The following ZNF772 variants were observed in gnomAD, a reference collection of about 807,000 sequenced individuals.
ZNF772 encodes the protein zinc finger protein 772.
In ZNF772, 8 loss-of-function variants were observed where a neutral mutation model predicts 11.0. That is an observed-to-expected ratio of 0.73 (90% CI 0.43 to 1.31). The LOEUF is 1.31. Among genes scored for constraint, ZNF772 ranks in the 50% most tolerant of loss-of-function variants. The probability of loss-of-function intolerance (pLI) is 0.01; values close to 1 mark genes in which losing one functional copy is unlikely to be tolerated. For missense variants in ZNF772, 496 were observed against 552.3 expected, an observed-to-expected ratio of 0.90 and a Z score of 1.02; for synonymous variants, 155 against 180.4, an observed-to-expected ratio of 0.86 and a Z score of 1.13.
At chr19:57,477,246 C>G (rs773322445) in intron 1 of ZNF772, 31 bp downstream of exon 1, 1 of 1,612,972 alleles carries the variant, frequency 6.2e-7, no homozygotes, top group South Asian at 1.1e-5. Context: ...AGATGGGGGT[C>G]AGCGCGCAGA....
At chr19:57,476,882 T>A (rs1384725594) in intron 1 of ZNF772, among the ~76,000 whole-genome samples, 1 of 152,212 alleles carries the variant, frequency 6.6e-6, no homozygotes, top group Non-Finnish European at 1.5e-5. Context: ...CTGCCCTCCA[T>A]GAGCAGTCTA....
rs975225138 is a variant in ZNF772, at chr19:57,475,631, A to G, written c.199+29T>C. On this transcript the variant is annotated intron_variant, in intron 3 of 3. Coordinates refer to ENST00000356584, the MANE Select transcript of ZNF772 (RefSeq NM_001144068.2). The surrounding 1 kb of genome is among the most constrained non-coding windows in gnomAD (Gnocchi z 4.2). ...AAGGGGAAGGGCAGGACCCAGTCCA[A>G]GTCACTGGGGTGGATGTGACGGCCT... 2.5e-6 allele frequency: 4 copies of G among 1,613,420 alleles called. No homozygotes were observed. Among genetic ancestry groups the G allele is most frequent in the African/African-American group, 1.3e-5 (1 of 74,922 alleles).
chr19:57,474,325 G>C lies in ZNF772; in HGVS notation c.296C>G (p.Thr99Ser), dbSNP rs1452825497. ...TGTCCCACAGGGGTAAGCCTTCTGA[G>C]TAGAAGGACCTCCCTTGGGAATCCT... Reference protein sequence around the residue: ...QIRIPKGGPSTQKAYPCGTCG... With the variant: ...QIRIPKGGPSSQKAYPCGTCG... Residue 99 changes from threonine to serine, a missense_variant, in exon 4 of 4, where the codon ACT (threonine) becomes AGT (serine). Physicochemically the swap from Thr to Ser is moderately conservative, Grantham distance 58. Transcript: ENST00000356584. 2 of 1,614,008 alleles carry C rather than the reference G, an allele frequency of 1.2e-6. No individual in the cohort carries two copies. The highest frequency in any genetic ancestry group is 2.2e-5 in the East Asian group (1 of 44,890).
chr19:57,476,436 T>G, intron 2 of ZNF772, 198 bp downstream of exon 2: 1 of 636,470 alleles, frequency 1.6e-6, no homozygotes, highest in Non-Finnish European at 2.8e-6. Context: ...CCAACCTTAT[T>G]CCAATGGTTG....
chr19:57,474,460 C>G (rs773619883), intron 3 of ZNF772, 39 bp from the exon 4 acceptor site: 1 of 1,572,730 alleles, frequency 6.4e-7, no homozygotes, highest in Admixed American at 1.7e-5. Context: ...CAAATTGACA[C>G]AGGTGGAAGA....
At position 57,475,264 on chromosome 19, in the gene ZNF772, A is replaced by C; in HGVS notation, c.199+396T>G. On this transcript the variant is annotated intron_variant, in intron 3 of 3. Coordinates refer to ENST00000356584, the MANE Select transcript of ZNF772 (RefSeq NM_001144068.2). The surrounding 1 kb of genome is among the most constrained non-coding windows in gnomAD (Gnocchi z 4.2). ...AGTGCAGTGGTCCTAGCAAGTAGCG[A>C]CCATAATGGTCCCTACAATTCCTGA... 7.8e-7 allele frequency: 1 copy of C among 1,278,740 alleles called. No homozygotes were observed. The highest frequency in any genetic ancestry group is 2.2e-5 in the Admixed American group (1 of 45,694). The allele number at this position is 1,278,740 out of a possible 1,614,324, so 79.2% of individuals were successfully genotyped here.
rs1225406828 is a variant in ZNF772 at position 57,475,064 on chromosome 19, G to A, written c.199+596C>T. 2.5e-5 allele frequency: 41 copies of A among 1,614,138 alleles called. No individual in the cohort carries two copies. The highest frequency in any genetic ancestry group is 3.5e-5 in the Non-Finnish European group (41 of 1,180,016). The stretch of plus-strand genomic sequence containing the variant: ...CTGGAGTCTCTGTGGCAACAGCTAG[G>A]GTCATGTCCACCCAGTCAGGTACCC... On this transcript the variant is annotated intron_variant, in intron 3 of 3. Coordinates refer to ENST00000356584, the MANE Select transcript of ZNF772 (RefSeq NM_001144068.2). This position sits in a 1 kb window ranked among gnomAD's most constrained non-coding sequence, Gnocchi z 4.2.
Position 57,474,543 on chromosome 19 carries a change from G to A in ZNF772, c.200-122C>T, listed in dbSNP as rs1679003878. On this transcript the variant is annotated intron_variant, in intron 3 of 3. Coordinates refer to ENST00000356584, the MANE Select transcript of ZNF772 (RefSeq NM_001144068.2). ...TCATAGGACTGTTGTTAGGACAAGGGTCCAAACTCAAGTTCAGCAAATGTG... is the reference window on the plus strand; with the variant it reads ...TCATAGGACTGTTGTTAGGACAAGGATCCAAACTCAAGTTCAGCAAATGTG... 3.9e-6 allele frequency: 4 copies of A among 1,026,850 alleles called. No individual in the cohort carries two copies. In the South Asian group the frequency reaches 6.6e-5, roughly 17 times the overall value. 63.6% of individuals were successfully genotyped at this position (1,026,850 alleles called of 1,614,324 possible). A position where few individuals can be genotyped will look rare whatever the true frequency, so the allele number is the denominator to read the frequency against.
rs143208160 is a variant in ZNF772, at chr19:57,474,301, G to A, written c.320C>T (p.Thr107Ile). Residue 107 changes from threonine (T) to isoleucine (I), a missense_variant, in exon 4 of 4, where the codon ACA becomes ATA. Coordinates refer to ENST00000356584, the MANE Select transcript of ZNF772 (RefSeq NM_001144068.2). ...AATGTCTTTTAAGACCAGGCCACATGTCCCACAGGGGTAAGCCTTCTGAGT... is the reference window on the plus strand; with the variant it reads ...AATGTCTTTTAAGACCAGGCCACATATCCCACAGGGGTAAGCCTTCTGAGT... The part of the protein sequence containing the change: ...PSTQKAYPCG[T>I]CGLVLKDILH... 363 of 1,614,164 alleles carry A rather than the reference G, an allele frequency of 2.2e-4. No individual in the cohort carries two copies. The highest frequency in any genetic ancestry group is 2.9e-4 in the Non-Finnish European group (343 of 1,180,046).
chr19:57,474,544 TC>T, intron 3 of ZNF772, 123 bp from the exon 4 acceptor site: 1 of 1,016,700 alleles, frequency 9.8e-7, no homozygotes, highest in Non-Finnish European at 1.4e-6. Flanking sequence ...AGGACAAGGG[TC>T]CAAACTCAAG....
chr19:57,475,652 G>A lies in ZNF772; in HGVS notation c.199+8C>T, dbSNP rs76492179. The A allele has an allele frequency of 6.3e-5, 102 of 1,613,668 alleles. No homozygotes were observed. In the East Asian group the frequency reaches 2.1e-3, roughly 32 times the overall value. ...TCCAAGTCACTGGGGTGGATGTGAC[G>A]GCCTTACCCAGAGAGGCCATAAGTG... On this transcript the variant is annotated splice_region_variant and intron_variant, in intron 3 of 3. Transcript: ENST00000356584. This position sits in a 1 kb window ranked among gnomAD's most constrained non-coding sequence, Gnocchi z 4.2.
rs2089222236 is a variant in ZNF772, at chr19:57,472,144, G to A, written c.*1130C>T. Reference sequence around the variant, plus strand: ...CAGAGTAATGGAAACACATGTGGATGTACCTTTAGAAGGGTCATATTCCCT... The same window carrying A: ...CAGAGTAATGGAAACACATGTGGATATACCTTTAGAAGGGTCATATTCCCT... On this transcript the variant is annotated 3_prime_UTR_variant, in exon 4 of 4. Transcript: ENST00000356584. 4.4e-6 allele frequency: 2 copies of A among 456,240 alleles called. No homozygotes were observed. Among genetic ancestry groups the A allele is most frequent in the Non-Finnish European group, 8.8e-6 (2 of 226,954 alleles). 28.3% of individuals were successfully genotyped at this position (456,240 alleles called of 1,614,324 possible). A position where few individuals can be genotyped will look rare whatever the true frequency, so the allele number is the denominator to read the frequency against.
At position 57,475,265 on chromosome 19, in the gene ZNF772, C is replaced by A. The variant is rs144435299; in HGVS notation, c.199+395G>T. 1.1e-4 allele frequency: 144 copies of A among 1,254,864 alleles called. 1 individual carries two copies. In the East Asian group the frequency reaches 3.5e-3, roughly 30 times the overall value. The allele number at this position is 1,254,864 out of a possible 1,614,324, so 77.7% of individuals were successfully genotyped here. ...GTGCAGTGGTCCTAGCAAGTAGCGA[C>A]CATAATGGTCCCTACAATTCCTGAC... On this transcript the variant is annotated intron_variant, in intron 3 of 3. Transcript: ENST00000356584. The surrounding 1 kb of genome is among the most constrained non-coding windows in gnomAD (Gnocchi z 4.2).
At position 57,475,215 on chromosome 19, in the gene ZNF772, C is replaced by G. The variant is rs748718243; in HGVS notation, c.199+445G>C. 26 of 1,578,716 alleles carry G rather than the reference C, an allele frequency of 1.6e-5. No individual in the cohort carries two copies. The highest frequency in any genetic ancestry group is 2.1e-5 in the Non-Finnish European group (24 of 1,158,160). On this transcript the variant is annotated intron_variant, in intron 3 of 3. Transcript: ENST00000356584. The surrounding 1 kb of genome is among the most constrained non-coding windows in gnomAD (Gnocchi z 4.2). The stretch of plus-strand genomic sequence containing the variant: ...GAAAACTAAATATTATTAAAATAAT[C>G]TCAGAGTAAGGTCTTGCAGGAATAG...
In ZNF772 at chr19:57,471,633, A is replaced by C. The variant is rs2089215550; in HGVS notation, c.*1641T>G. 1 of 152,552 alleles carries C rather than the reference A, an allele frequency of 6.6e-6. No individual in the cohort carries two copies. Among genetic ancestry groups the C allele is most frequent in the Non-Finnish European group, 1.5e-5 (1 of 68,286 alleles). The allele number at this position is 152,552 out of a possible 1,614,324, so 9.4% of individuals were successfully genotyped here. ...TGAAATATAGCAGAAATGACGGCTC[A>C]TCACTTTCAGTTTAAGGTAATGACA... On this transcript the variant is annotated 3_prime_UTR_variant, in exon 4 of 4. Transcript: ENST00000356584.
Position 57,475,712 on chromosome 19 carries a change from C to T in ZNF772, c.147G>A (p.Arg49=), listed in dbSNP as rs377561642. Reference sequence around the variant, plus strand: ...CCAGCATCACATCACGGTACAGGAGCCTCTGAGCCTCATCAAGGAGCACCC... The same window carrying T: ...CCAGCATCACATCACGGTACAGGAGTCTCTGAGCCTCATCAAGGAGCACCC... ...EEWVLLDEAQ[R]LLYRDVMLEN... Residue 49 remains arginine, a synonymous_variant, in exon 3 of 4, where the codon AGG becomes AGA. Coordinates refer to ENST00000356584, the MANE Select transcript of ZNF772 (RefSeq NM_001144068.2). The surrounding 1 kb of genome is among the most constrained non-coding windows in gnomAD (Gnocchi z 4.2). 5.6e-6 allele frequency: 9 copies of T among 1,613,800 alleles called. No individual in the cohort carries two copies. In the Admixed American group the frequency reaches 1.0e-4, roughly 18 times the overall value.
intron 3 of ZNF772, chr19:57,474,889 TG>T: frequency 1.6e-6 from 2 of 1,242,522 alleles, no homozygotes; most frequent in South Asian, 1.4e-5. Context: ...GGCAGAGGTA[TG>T]GAACATCCAG....
In ZNF772 at chr19:57,472,193, T is replaced by G; in HGVS notation, c.*1081A>C. ...CTATAGTTTGCTGCAGTTTTCTCAT[T>G]CCTTTATTAATCTGGGTTTCTGCAC... On this transcript the variant is annotated 3_prime_UTR_variant, in exon 4 of 4. Coordinates refer to ENST00000356584, the MANE Select transcript of ZNF772 (RefSeq NM_001144068.2). 2.2e-6 allele frequency: 1 copy of G among 456,080 alleles called. No individual in the cohort carries two copies. The allele number at this position is 456,080 out of a possible 1,614,324, so 28.3% of individuals were successfully genotyped here. A position where few individuals can be genotyped will look rare whatever the true frequency, so the allele number is the denominator to read the frequency against.
At position 57,475,800 on chromosome 19, in the gene ZNF772, G is replaced by C. The variant is rs780955637; in HGVS notation, c.73-14C>G. Reference sequence around the variant, plus strand: ...GTTCACCTGCCCCTGCCACAATCAGGAGAGCCAAGTCCATGAGCAGCATCT... The same window carrying C: ...GTTCACCTGCCCCTGCCACAATCAGCAGAGCCAAGTCCATGAGCAGCATCT... On this transcript the variant is annotated splice_polypyrimidine_tract_variant and intron_variant, in intron 2 of 3. Coordinates refer to ENST00000356584, the MANE Select transcript of ZNF772 (RefSeq NM_001144068.2). This position sits in a 1 kb window ranked among gnomAD's most constrained non-coding sequence, Gnocchi z 4.2. 1.1e-5 allele frequency: 17 copies of C among 1,588,630 alleles called. No individual in the cohort carries two copies. The highest frequency in any genetic ancestry group is 1.7e-5 in the Admixed American group (1 of 57,314).
Sources: allele counts gnomAD v4.1 joint callset (sites outside exome capture counted in the v4.1 genomes callset), GRCh38; gene constraint gnomAD v4.1.1; non-coding constraint Gnocchi (gnomAD v3.1); transcripts MANE v1.5; gene names NCBI Gene and HGNC (gene_info 2026-07-23, HGNC 2026-07-21).